Variants in PDXK observed in about 807,000 individuals in gnomAD.
PDXK encodes the protein pyridoxal kinase.
PDXK carries 15 observed loss-of-function variants against 43.2 expected under a neutral mutation model. That is an observed-to-expected ratio of 0.35 (90% confidence interval 0.23 to 0.53). The LOEUF is 0.53. PDXK is among the 20% of genes least tolerant of loss of function. The pLI is 0.92. For synonymous variants in PDXK, 172 were observed against 165.4 expected, an observed-to-expected ratio of 1.04 and a Z score of -0.31; for missense variants, 343 against 417.0, an observed-to-expected ratio of 0.82 and a Z score of 1.54.
chr21:43,749,171 C>A, intron 6 of PDXK, 91 bp downstream of exon 6: 1 of 700,448 alleles, frequency 1.4e-6, no homozygotes, highest in Non-Finnish European at 2.4e-6. Flanking sequence ...GTGGCACGAT[C>A]ACAGCTCACT....
chr21:43,749,134 C>A, intron 6 of PDXK, 54 bp downstream of exon 6: 1 of 1,118,202 alleles, frequency 8.9e-7, no homozygotes. Context: ...AGATGGGTCT[C>A]GCTCTTGTCA....
chr21:43,747,581 C>T (rs1179053811), intron 5 of PDXK, among the ~76,000 whole-genome samples: 2 of 152,336 alleles, frequency 1.3e-5, no homozygotes, highest in East Asian at 3.9e-4. Flanking sequence ...CTGGAAGGTT[C>T]CCTGTCCTGC....
At chr21:43,722,495 G>A (rs1237099373) in intron 1 of PDXK, among the ~76,000 whole-genome samples, 2 of 152,188 alleles carry the variant, frequency 1.3e-5, no homozygotes, top group Non-Finnish European at 2.9e-5. Context: ...CAGCCTTAGG[G>A]TCATGTAGGA....
intron 1 of PDXK, among the ~76,000 whole-genome samples, chr21:43,733,406 G>A (rs562911321): frequency 6.6e-6 from 1 of 152,292 alleles, no homozygotes; most frequent in African/African-American, 2.4e-5. Flanking sequence ...CATTGCTGGT[G>A]CACGGGAGAG....
intron 1 of PDXK, among the ~76,000 whole-genome samples, chr21:43,730,633 A>G (rs1156436529): frequency 6.6e-6 from 1 of 152,214 alleles, no homozygotes; most frequent in Non-Finnish European, 1.5e-5. Context: ...TGGTGAGGCT[A>G]CAATATATAT....
chr21:43,722,072 C>T (rs934536472), intron 1 of PDXK, among the ~76,000 whole-genome samples: 2 of 150,920 alleles, frequency 1.3e-5, no homozygotes, highest in Non-Finnish European at 3.0e-5. Flanking sequence ...GCTGGGGGGG[C>T]TGCCCAAGTC....
rs2083863510 is a variant in PDXK, at chr21:43,757,031, CCCTGA to C, written c.*972_*976del. ...CCTGCTGGCACATTTAACCCTTGTC[CCCTGA>C]CCTCAGTTCTGTGCCCCACCAAATG... On this transcript the variant is annotated 3_prime_UTR_variant, in exon 11 of 11. Coordinates refer to ENST00000291565, the MANE Select transcript of PDXK (RefSeq NM_003681.5). The C allele has an allele frequency of 6.6e-6, 1 of 152,376 alleles. No homozygotes were observed. The highest frequency in any genetic ancestry group is 6.5e-5 in the Admixed American group (1 of 15,298). The allele number at this position is 152,376 out of a possible 1,614,324, so 9.4% of individuals were successfully genotyped here. A position where few individuals can be genotyped will look rare whatever the true frequency, so the allele number is the denominator to read the frequency against.
intron 9 of PDXK, 139 bp from the exon 10 acceptor site, chr21:43,755,559 T>C (rs2083833383): frequency 5.3e-6 from 4 of 749,660 alleles, no homozygotes; most frequent in Non-Finnish European, 9.5e-6. Context: ...GTTCAGCACG[T>C]GCATTGGCGG....
chr21:43,747,879 G>A lies in PDXK; in HGVS notation c.379-1116G>A, dbSNP rs149988168. ...TGTTGGCCCTCCCTACCCAAAATGG[G>A]GCTCTAAAGAGCTTTCCTTCGATTT... is the stretch of plus-strand genomic sequence containing the variant. On this transcript the variant is annotated intron_variant, in intron 5 of 10. Transcript: ENST00000291565. Among the ~76,000 whole-genome samples, 14 of 152,272 alleles carry A rather than the reference G, an allele frequency of 9.2e-5. No individual in the cohort carries two copies. The East Asian group carries it at 2.7e-3, about 29-fold the overall frequency.
chr21:43,760,846 T>C lies in PDXK; in HGVS notation c.*4783T>C, dbSNP rs190080315. On this transcript the variant is annotated 3_prime_UTR_variant, in exon 11 of 11. Coordinates refer to ENST00000291565, the MANE Select transcript of PDXK (RefSeq NM_003681.5). Reference sequence around the variant, plus strand: ...GTGCACGGTCTCTCCTGCTGGGGGCTTTCTGTCGCATGTGTGTCTCCTGTC... The same window carrying C: ...GTGCACGGTCTCTCCTGCTGGGGGCCTTCTGTCGCATGTGTGTCTCCTGTC... The C allele has an allele frequency of 6.6e-6, 1 of 152,360 alleles. No homozygotes were observed. Among genetic ancestry groups the C allele is most frequent in the East Asian group, 1.9e-4 (1 of 5,178 alleles). The allele number at this position is 152,360 out of a possible 1,614,324, so 9.4% of individuals were successfully genotyped here.
Position 43,756,714 on chromosome 21 carries a change from A to C in PDXK, c.*651A>C, listed in dbSNP as rs1200737899. The C allele has an allele frequency of 6.6e-6, 1 of 152,226 alleles. No individual in the cohort carries two copies. Among genetic ancestry groups the C allele is most frequent in the Non-Finnish European group, 1.5e-5 (1 of 68,108 alleles). 9.4% of individuals were successfully genotyped at this position (152,226 alleles called of 1,614,324 possible). ...ATCAGGGACCTTCCCAGGCCCCAGC[A>C]AATTCAAGTCGGTCTGCAGACCTCT... On this transcript the variant is annotated 3_prime_UTR_variant, in exon 11 of 11. Coordinates refer to ENST00000291565, the MANE Select transcript of PDXK (RefSeq NM_003681.5).
At chr21:43,741,850 C>T in intron 3 of PDXK, 79 bp downstream of exon 3, 1 of 927,300 alleles carries the variant, frequency 1.1e-6, no homozygotes. Flanking sequence ...TCCAGAGCAC[C>T]CCCGCCCTGG....
chr21:43,726,274 T>C (rs1012156564), intron 1 of PDXK, among the ~76,000 whole-genome samples: 5 of 142,094 alleles, frequency 3.5e-5, no homozygotes, highest in African/African-American at 5.3e-5. Flanking sequence ...CTTTTTCTTT[T>C]TTTTTTTTTT....
At chr21:43,748,696 C>T (rs2083680273) in intron 5 of PDXK, among the ~76,000 whole-genome samples, 1 of 152,164 alleles carries the variant, frequency 6.6e-6, no homozygotes. Context: ...TCCCTCCTCC[C>T]TCCCTCCCTC....
At chr21:43,733,232 C>A (rs565574837) in intron 1 of PDXK, among the ~76,000 whole-genome samples, 1 of 148,088 alleles carries the variant, frequency 6.8e-6, no homozygotes, top group East Asian at 2.0e-4. Flanking sequence ...TGGGAAGCCC[C>A]GGAAGCCCCT....
intron 2 of PDXK, chr21:43,738,082 C>A: frequency 1.0e-6 from 1 of 979,176 alleles, no homozygotes; most frequent in Non-Finnish European, 1.2e-6. Flanking sequence ...GAATTACGTC[C>A]CCCCAAATTC....
intron 2 of PDXK, among the ~76,000 whole-genome samples, chr21:43,739,885 C>T (rs916628216): frequency 3.3e-5 from 5 of 151,834 alleles, no homozygotes; most frequent in African/African-American, 1.2e-4. Context: ...CACCTCCCTC[C>T]TCCTACCCCT....
intron 5 of PDXK, among the ~76,000 whole-genome samples, chr21:43,748,646 G>C (rs2083679405): frequency 6.6e-6 from 1 of 152,166 alleles, no homozygotes; most frequent in South Asian, 2.1e-4. Context: ...CAGATGACCA[G>C]GGCTGCTCCA....
At chr21:43,752,158 G>A (rs765006101) in intron 7 of PDXK, among the ~76,000 whole-genome samples, 4 of 152,202 alleles carry the variant, frequency 2.6e-5, no homozygotes, top group Non-Finnish European at 5.9e-5. Context: ...TGAGGCAACC[G>A]TGCGGTGGAG....
Sources: allele counts gnomAD v4.1 joint callset (sites outside exome capture counted in the v4.1 genomes callset), GRCh38; gene constraint gnomAD v4.1.1; transcripts MANE v1.5; gene names NCBI Gene and HGNC (gene_info 2026-07-23, HGNC 2026-07-21).